The following GPR161 variants were observed in gnomAD, a reference collection of about 807,000 sequenced individuals.
GPR161 encodes the protein G protein-coupled receptor 161, also known as G-protein coupled receptor RE2.
GPR161 carries 25 observed loss-of-function variants against 39.2 expected under a neutral mutation model. The observed-to-expected ratio is 0.64, with a 90% confidence interval of 0.47 to 0.89. The LOEUF (loss-of-function observed/expected upper bound fraction) is 0.89, where lower values mean the gene tolerates loss of function less well. GPR161 is among the 40% of genes least tolerant of loss of function. The probability of loss-of-function intolerance (pLI) is 0.00; values close to 1 mark genes in which losing one functional copy is unlikely to be tolerated. For missense variants in GPR161, 547 were observed against 677.8 expected, an observed-to-expected ratio of 0.81 and a Z score of 2.14; for synonymous variants, 286 against 276.6, an observed-to-expected ratio of 1.03 and a Z score of -0.34.
intron 1 of GPR161, among the ~76,000 whole-genome samples, chr1:168,112,479 CAAAAAAAAAAAA>C (rs57030886): frequency 1.3e-4 from 8 of 63,066 alleles, no homozygotes; most frequent in Admixed American, 4.2e-4. Flanking sequence ...GACTCCGTCT[CAAAAAAAAAAAA>C]AAAAAAAAAA....
Position 168,085,092 on chromosome 1 carries a change from C to T in GPR161, c.*439G>A, listed in dbSNP as rs371644972. ...AAGTGCTGTGTCATCCTTCACAGTACACTGGGGAGGGTTCTCCTCCTGAGG... is the reference window on the plus strand; with the variant it reads ...AAGTGCTGTGTCATCCTTCACAGTATACTGGGGAGGGTTCTCCTCCTGAGG... On this transcript the variant is annotated 3_prime_UTR_variant, in exon 6 of 6. Coordinates refer to ENST00000682931, the MANE Select transcript of GPR161 (RefSeq NM_001375883.1). 1 of 458,158 alleles carries T rather than the reference C, an allele frequency of 2.2e-6. No homozygotes were observed. The allele number at this position is 458,158 out of a possible 1,614,324, so 28.4% of individuals were successfully genotyped here.
chr1:168,130,417 T>G (rs1406590011), intron 1 of GPR161, among the ~76,000 whole-genome samples: 1 of 152,208 alleles, frequency 6.6e-6, no homozygotes, highest in Non-Finnish European at 1.5e-5. Flanking sequence ...TTGCCAGAGC[T>G]GCTGGGGATC....
chr1:168,094,813 G>A (rs908024273), intron 3 of GPR161, among the ~76,000 whole-genome samples: 1 of 152,188 alleles, frequency 6.6e-6, no homozygotes, highest in Non-Finnish European at 1.5e-5. Context: ...CCAGCTACTT[G>A]ACCTCAAAAC....
At chr1:168,105,379 C>T (rs144573572) in intron 1 of GPR161, among the ~76,000 whole-genome samples, 1 of 152,214 alleles carries the variant, frequency 6.6e-6, no homozygotes, top group East Asian at 1.9e-4. Context: ...CAGGGTGGGC[C>T]CTGAACCAGC....
chr1:168,136,700 C>CGCCCGG (rs1295385332), intron 1 of GPR161, 39 bp downstream of exon 1: 8 of 1,061,498 alleles, frequency 7.5e-6, no homozygotes, highest in African/African-American at 1.7e-5. Context: ...CCGCCCTCTC[C>CGCCCGG]GCCCGGGCCC....
Position 168,096,621 on chromosome 1 carries a change from T to A in GPR161, c.986A>T (p.Lys329Met). The change falls in exon 3 of 6, where the codon AAG becomes ATG. Residue 329 changes from lysine (K) to methionine (M), a missense_variant. Transcript: ENST00000682931. ...CHPLIYGLWN[K>M]TVRKELLGMC... ...GCCCAGTAGTTCTTTGCGAACTGTCTTGTTCCAGAGTCCATAGATCAGGGG... is the reference window on the plus strand; with the variant it reads ...GCCCAGTAGTTCTTTGCGAACTGTCATGTTCCAGAGTCCATAGATCAGGGG... 6.2e-7 allele frequency: 1 copy of A among 1,614,230 alleles called. No homozygotes were observed. Among genetic ancestry groups the A allele is most frequent in the Non-Finnish European group, 8.5e-7 (1 of 1,180,030 alleles).
intron 3 of GPR161, among the ~76,000 whole-genome samples, 193 bp downstream of exon 3, chr1:168,096,315 G>C (rs1695533028): frequency 6.6e-6 from 1 of 152,116 alleles, no homozygotes; most frequent in South Asian, 2.1e-4. Context: ...GCATGGCCGT[G>C]AGCTACTGAG....
chr1:168,136,465 G>A (rs1388970069), intron 1 of GPR161: 3 of 1,273,516 alleles, frequency 2.4e-6, no homozygotes, highest in African/African-American at 3.1e-5. Context: ...GCAGAATGGG[G>A]TGGGCCTCTC....
At chr1:168,124,395 C>T (rs1326548376) in intron 1 of GPR161, among the ~76,000 whole-genome samples, 1 of 152,058 alleles carries the variant, frequency 6.6e-6, no homozygotes, top group Non-Finnish European at 1.5e-5. Context: ...AGCCTTTAAG[C>T]AAAATTCATG....
At position 168,126,394 on chromosome 1, in the gene GPR161, T is replaced by G. The variant is rs557219520; in HGVS notation, c.-45+10345A>C. Among the ~76,000 whole-genome samples, 61 of 152,338 alleles carry G rather than the reference T, an allele frequency of 4.0e-4. 1 individual carries two copies. The highest frequency in any genetic ancestry group is 1.4e-3 in the African/African-American group (60 of 41,582). ...TTACCATCTCCTCCGGTCTAGGGTT[T>G]GCCTTTTATATTTTAGTTGTCCTTT... is the stretch of plus-strand genomic sequence containing the variant. On this transcript the variant is annotated intron_variant, in intron 1 of 5. Transcript: ENST00000682931.
At chr1:168,121,616 T>C (rs555199895) in intron 1 of GPR161, among the ~76,000 whole-genome samples, 103 of 152,290 alleles carry the variant, frequency 6.8e-4, no homozygotes, top group Non-Finnish European at 1.3e-3. Context: ...CCCCAAGAGT[T>C]AAGTGCTTCA....
At chr1:168,092,449 C>A (rs1003109215) in intron 3 of GPR161, among the ~76,000 whole-genome samples, 1 of 152,194 alleles carries the variant, frequency 6.6e-6, no homozygotes, top group African/African-American at 2.4e-5. Context: ...TCCCTCTCCT[C>A]TGTGTTTATG....
chr1:168,122,698 G>C (rs977412190), intron 1 of GPR161, among the ~76,000 whole-genome samples: 5 of 152,166 alleles, frequency 3.3e-5, no homozygotes, highest in African/African-American at 1.2e-4. Context: ...CTTTGCACTT[G>C]CTGTTTCGTA....
rs111357287 is a variant in GPR161 at position 168,087,334 on chromosome 1, G to T, written c.1324+251C>A. Among the ~76,000 whole-genome samples the T allele has an allele frequency of 1.1e-3, 158 of 148,770 alleles. 3 individuals carry two copies. The South Asian group carries it at 0.022, about 21-fold the overall frequency. ...TGGGCTGTGTGTGTAAACACGTGTG[G>T]GTGTGTGTGTGTGTGTGTGTGTGTG... On this transcript the variant is annotated intron_variant, in intron 5 of 5. Transcript: ENST00000682931.
At chr1:168,136,512 A>G (rs1466385329) in intron 1 of GPR161, 2 of 1,257,034 alleles carry the variant, frequency 1.6e-6, no homozygotes, top group Non-Finnish European at 2.0e-6. Flanking sequence ...CGCGCCCCCA[A>G]CATCTTCCCA....
intron 1 of GPR161, among the ~76,000 whole-genome samples, chr1:168,123,763 T>C (rs1698387032): frequency 6.6e-6 from 1 of 152,146 alleles, no homozygotes; most frequent in Admixed American, 6.5e-5. Flanking sequence ...TTTGACCATG[T>C]AGTTGGAAGT....
chr1:168,135,885 A>G, intron 1 of GPR161: 1 of 320,418 alleles, frequency 3.1e-6, no homozygotes, highest in Non-Finnish European at 4.8e-6. Flanking sequence ...CACTTTGCAA[A>G]AGGGATGAAA....
chr1:168,104,004 G>A (rs1696355728), intron 2 of GPR161, among the ~76,000 whole-genome samples: 1 of 152,186 alleles, frequency 6.6e-6, no homozygotes, highest in Non-Finnish European at 1.5e-5. Context: ...GTCACTGCCT[G>A]TATTCTCTGG....
rs941060610 is a variant in GPR161 at position 168,082,765 on chromosome 1, T to A, written c.*2766A>T. 2.0e-5 allele frequency: 3 copies of A among 152,262 alleles called. No individual in the cohort carries two copies. The highest frequency in any genetic ancestry group is 4.4e-5 in the Non-Finnish European group (3 of 68,066). 9.4% of individuals were successfully genotyped at this position (152,262 alleles called of 1,614,324 possible). A position where few individuals can be genotyped will look rare whatever the true frequency, so the allele number is the denominator to read the frequency against. On this transcript the variant is annotated 3_prime_UTR_variant, in exon 6 of 6. Transcript: ENST00000682931. ...CTGCAGGCCTGCCACTGCATGGCAG[T>A]TTACAGCTAAAGAGCCTGGGTTTAG...
Sources: allele counts gnomAD v4.1 joint callset (sites outside exome capture counted in the v4.1 genomes callset), GRCh38; gene constraint gnomAD v4.1.1; transcripts MANE v1.5; gene names NCBI Gene and HGNC (gene_info 2026-07-23, HGNC 2026-07-21).